ATP13A1: variants seen among roughly 807,000 people sequenced by gnomAD.
The protein encoded by ATP13A1 is endoplasmic reticulum transmembrane helix translocase.
ATP13A1 carries 55 observed loss-of-function variants against 134.8 expected under a neutral mutation model. The ratio of observed to expected loss-of-function variants is 0.41; its 90% CI spans 0.33 to 0.51. The LOEUF (loss-of-function observed/expected upper bound fraction) is 0.51, where lower values mean the gene tolerates loss of function less well. Among genes scored for constraint, ATP13A1 ranks in the 20% least tolerant of loss-of-function variants. ATP13A1 has a pLI of 0.29. For missense variants in ATP13A1, 1,389 were observed against 1,652.8 expected (o/e 0.84, Z 2.77); for synonymous variants, 775 against 725.1 (o/e 1.07, Z -1.10).
chr19:19,656,949 G>C lies in ATP13A1; in HGVS notation c.907-33C>G. ...GGGCATGGGTGTCAGCACAGAAGCC[G>C]CACCTGTGCTGCACCCCCAACCTGG... On this transcript the variant is annotated intron_variant, in intron 5 of 25. Coordinates refer to ENST00000357324, the MANE Select transcript of ATP13A1 (RefSeq NM_020410.3). The surrounding 1 kb of genome is among the most constrained non-coding windows in gnomAD (Gnocchi z 4.6). The C allele has an allele frequency of 6.2e-7, 1 of 1,604,632 alleles. No homozygotes were observed. The highest frequency in any genetic ancestry group is 8.5e-7 in the Non-Finnish European group (1 of 1,176,050).
Position 19,655,579 on chromosome 19 carries a change from G to C in ATP13A1, c.1345C>G (p.Leu449Val). 2 of 1,613,994 alleles carry C rather than the reference G, an allele frequency of 1.2e-6. No individual in the cohort carries two copies. Among genetic ancestry groups the C allele is most frequent in the Non-Finnish European group, 1.7e-6 (2 of 1,179,880 alleles). ...GCGATGGCAAACACCAGGAGGAAGAGGATGAAGATGAAGGTCTCCAGGTTG... is the reference window on the plus strand; with the variant it reads ...GCGATGGCAAACACCAGGAGGAAGACGATGAAGATGAAGGTCTCCAGGTTG... ...ANNLETFIFILFLLVFAIAAA... is the reference protein window; with the variant it reads ...ANNLETFIFIVFLLVFAIAAA... The change falls in exon 10 of 26, where the codon CTC becomes GTC. Residue 449 changes from leucine (L) to valine (V), a missense_variant. Leu to Val is a conservative substitution (Grantham distance 32, BLOSUM62 1). Around this residue, in one of 4 missense-constraint regions of ATP13A1, gnomAD observed 747 missense variants for 956.1 expected, o/e 0.78. Transcript: ENST00000357324. This position sits in a 1 kb window ranked among gnomAD's most constrained non-coding sequence, Gnocchi z 5.7.
Position 19,656,508 on chromosome 19 carries a change from C to G in ATP13A1, c.1083+152G>C, listed in dbSNP as rs1212780543. ...GCTCTCTCACCTCCTTCCTCGCCCC[C>G]ACCACCCGGCTCCCCAGTCCACAGA... On this transcript the variant is annotated intron_variant, in intron 7 of 25. Transcript: ENST00000357324. This position sits in a 1 kb window ranked among gnomAD's most constrained non-coding sequence, Gnocchi z 4.6. Among the ~76,000 whole-genome samples, 1 of 152,172 alleles carries G rather than the reference C, an allele frequency of 6.6e-6. No individual in the cohort carries two copies. Among genetic ancestry groups the G allele is most frequent in the East Asian group, 1.9e-4 (1 of 5,192 alleles).
intron 12 of ATP13A1, 100 bp from the exon 13 acceptor site, chr19:19,654,800 T>C (rs1230318340): frequency 1.7e-5 from 24 of 1,405,872 alleles, no homozygotes; most frequent in Non-Finnish European, 2.2e-5. Flanking sequence ...ATTCCGTGCT[T>C]GTCACTGGGG....
Position 19,647,918 on chromosome 19 carries a change from A to G in ATP13A1, c.2633-159T>C, listed in dbSNP as rs1238254466. Among the ~76,000 whole-genome samples, 1 of 152,208 alleles carries G rather than the reference A, an allele frequency of 6.6e-6. No homozygotes were observed. On this transcript the variant is annotated intron_variant, in intron 19 of 25. Transcript: ENST00000357324. The surrounding 1 kb of genome is among the most constrained non-coding windows in gnomAD (Gnocchi z 4.8). ...CTGACACCCTAAGGAGACCTCAGAG[A>G]GTGCCCGTGTTGCTTTCTACAAACT...
In ATP13A1 at chr19:19,657,090, T is replaced by C. The variant is rs80083882; in HGVS notation, c.810A>G (p.Leu270=). ...AGGCCTCGAACGCCACCAGCATGGA[T>C]AGCGTAAAGACGCTGTAGTACCAGT... The part of the protein sequence containing the change: ...DEYWYYSVFT[L]SMLVAFEASL... Residue 270 remains leucine, a synonymous_variant, in exon 5 of 26, where the codon CTA becomes CTG. Transcript: ENST00000357324. The C allele has an allele frequency of 2.2e-3, 3,442 of 1,542,404 alleles. 128 individuals are homozygous for C. In the East Asian group the frequency reaches 0.069, roughly 31 times the overall value.
chr19:19,647,040 T>C lies in ATP13A1; in HGVS notation c.3105+89A>G. The C allele has an allele frequency of 1.4e-6, 2 of 1,398,766 alleles. No homozygotes were observed. Among genetic ancestry groups the C allele is most frequent in the Non-Finnish European group, 1.9e-6 (2 of 1,033,198 alleles). 86.6% of individuals were successfully genotyped at this position (1,398,766 alleles called of 1,614,324 possible). A position where few individuals can be genotyped will look rare whatever the true frequency, so the allele number is the denominator to read the frequency against. On this transcript the variant is annotated intron_variant, in intron 22 of 25. Coordinates refer to ENST00000357324, the MANE Select transcript of ATP13A1 (RefSeq NM_020410.3). This position sits in a 1 kb window ranked among gnomAD's most constrained non-coding sequence, Gnocchi z 4.8. ...CCCATCTCTGGGGCCCTGGGTCCTG[T>C]AACTTGGGGATGACAATTCCCGTGC...
chr19:19,655,282 C>G lies in ATP13A1; in HGVS notation c.1534+34G>C. On this transcript the variant is annotated intron_variant, in intron 11 of 25. Coordinates refer to ENST00000357324, the MANE Select transcript of ATP13A1 (RefSeq NM_020410.3). This position sits in a 1 kb window ranked among gnomAD's most constrained non-coding sequence, Gnocchi z 5.7. ...GTCAGGGGTCCTGCTTGGCCCCAGC[C>G]CACTCGGCACCCCATCCCATTTGAC... 6.2e-7 allele frequency: 1 copy of G among 1,613,946 alleles called. No homozygotes were observed. The highest frequency in any genetic ancestry group is 8.5e-7 in the Non-Finnish European group (1 of 1,179,890).
Position 19,645,780 on chromosome 19 carries a change from A to T in ATP13A1, c.3371T>A (p.Phe1124Tyr), listed in dbSNP as rs1363066017. 6.8e-7 allele frequency: 1 copy of T among 1,462,974 alleles called. No individual in the cohort carries two copies. Among genetic ancestry groups the T allele is most frequent in the African/African-American group, 1.5e-5 (1 of 68,542 alleles). The allele number at this position is 1,462,974 out of a possible 1,614,324, so 90.6% of individuals were successfully genotyped here. The change falls in exon 25 of 26, where the codon TTC (phenylalanine) becomes TAC (tyrosine). Residue 1124 changes from phenylalanine to tyrosine, a missense_variant. By Grantham distance (22) the Phe-to-Tyr change is conservative. Around this residue, in one of 4 missense-constraint regions of ATP13A1, gnomAD observed 228 missense variants for 321.0 expected, o/e 0.71. Transcript: ENST00000357324. This position sits in a 1 kb window ranked among gnomAD's most constrained non-coding sequence, Gnocchi z 4.1. ...CTTGTTCTCGGGCAGGCTCTCCATG[A>T]AGGGCGGGCCCTGTGGGGATGAGGG... Reference protein sequence around the residue: ...TFAINYKGPPFMESLPENKPL... With the variant: ...TFAINYKGPPYMESLPENKPL...
At chr19:19,657,295 A>C in intron 4 of ATP13A1, 41 bp downstream of exon 4, 1 of 1,546,692 alleles carries the variant, frequency 6.5e-7, no homozygotes, top group Non-Finnish European at 8.7e-7. Flanking sequence ...GGAAAGCCCC[A>C]AGGGAGGAAA....
chr19:19,663,273 G>A lies in ATP13A1; in HGVS notation c.394C>T (p.Pro132Ser). Residue 132 changes from proline to serine, a missense_variant and splice_region_variant, in exon 1 of 26, where the codon CCG (proline) becomes TCG (serine). Physicochemically the swap from Pro to Ser is moderately conservative, Grantham distance 74 (BLOSUM62 -1). Coordinates refer to ENST00000357324, the MANE Select transcript of ATP13A1 (RefSeq NM_020410.3). The part of the protein sequence containing the change: ...VHAHCALTCT[P>S]EYDPSKATFV... The stretch of plus-strand genomic sequence containing the variant: ...CGGGCTCGCGTGTACACACTTACCG[G>A]GGTGCAGGTGAGCGCGCAATGCGCG... 6.3e-7 allele frequency: 1 copy of A among 1,578,790 alleles called. No homozygotes were observed. Among genetic ancestry groups the A allele is most frequent in the Non-Finnish European group, 8.6e-7 (1 of 1,163,976 alleles).
intron 1 of ATP13A1, among the ~76,000 whole-genome samples, chr19:19,662,630 G>A (rs1322012046): frequency 6.6e-6 from 1 of 152,200 alleles, no homozygotes; most frequent in African/African-American, 2.4e-5. Context: ...GACCTTGCTT[G>A]CTGTTGTATC....
intron 15 of ATP13A1, 157 bp from the exon 16 acceptor site, chr19:19,652,877 G>A (rs1408058632): frequency 2.7e-6 from 3 of 1,093,276 alleles, no homozygotes; most frequent in Non-Finnish European, 3.8e-6. Context: ...GAAATGCCAG[G>A]AGGGTACCAG....
intron 22 of ATP13A1, chr19:19,646,810 C>G (rs1354758417): frequency 4.6e-6 from 2 of 430,962 alleles, no homozygotes; most frequent in Middle Eastern, 6.4e-4. Context: ...TGTCCACCAG[C>G]CTGTCCTGTG....
chr19:19,654,591 G>A lies in ATP13A1; in HGVS notation c.1765C>T (p.Pro589Ser), dbSNP rs773974505. Reference sequence around the variant, plus strand: ...GCCGTCAGCATGGCCTTCTCTAGAGGGTCACCCACGAGGGTGCCGTCGTCC... The same window carrying A: ...GCCGTCAGCATGGCCTTCTCTAGAGAGTCACCCACGAGGGTGCCGTCGTCC... Reference protein sequence around the residue: ...QLDDGTLVGDPLEKAMLTAVD... With the variant: ...QLDDGTLVGDSLEKAMLTAVD... The change falls in exon 13 of 26, where the codon CCT (proline) becomes TCT (serine). Residue 589 changes from proline to serine, a missense_variant. Transcript: ENST00000357324. 3 of 1,613,272 alleles carry A rather than the reference G, an allele frequency of 1.9e-6. No homozygotes were observed. Among genetic ancestry groups the A allele is most frequent in the Non-Finnish European group, 2.5e-6 (3 of 1,179,846 alleles).
rs191608294 is a variant in ATP13A1, at chr19:19,656,930, G to C, written c.907-14C>G. ...GCTTCGGTAGACCTGGGCGGGGCATGGGTGTCAGCACAGAAGCCGCACCTG... is the reference window on the plus strand; with the variant it reads ...GCTTCGGTAGACCTGGGCGGGGCATCGGTGTCAGCACAGAAGCCGCACCTG... On this transcript the variant is annotated splice_polypyrimidine_tract_variant and intron_variant, in intron 5 of 25. Transcript: ENST00000357324. This position sits in a 1 kb window ranked among gnomAD's most constrained non-coding sequence, Gnocchi z 4.6. The C allele has an allele frequency of 3.2e-3, 5,140 of 1,608,108 alleles. 226 individuals carry two copies. In the Admixed American group the frequency reaches 0.078, roughly 24 times the overall value.
rs557932417 is a variant in ATP13A1, at chr19:19,657,659, G to C, written c.678-251C>G. On this transcript the variant is annotated intron_variant, in intron 3 of 25. Coordinates refer to ENST00000357324, the MANE Select transcript of ATP13A1 (RefSeq NM_020410.3). Reference sequence around the variant, plus strand: ...CTCGGCTCTGCATAAAACAGATGAAGCTCCTTAATCTGCAATATGCTCTTC... The same window carrying C: ...CTCGGCTCTGCATAAAACAGATGAACCTCCTTAATCTGCAATATGCTCTTC... 2.6e-5 allele frequency among the ~76,000 whole-genome samples: 4 copies of C among 152,308 alleles called. No individual in the cohort carries two copies. The East Asian group carries it at 7.7e-4, about 29-fold the overall frequency.
At chr19:19,663,184 G>A (rs1308454820) in intron 1 of ATP13A1, 87 bp downstream of exon 1, 6 of 1,532,356 alleles carry the variant, frequency 3.9e-6, no homozygotes, top group Non-Finnish European at 5.3e-6. Context: ...GGCCCAGGTC[G>A]CGATGGTGAC....
chr19:19,645,604 C>A lies in ATP13A1; in HGVS notation c.3504+43G>T. 3.8e-6 allele frequency: 6 copies of A among 1,560,324 alleles called. No individual in the cohort carries two copies. The highest frequency in any genetic ancestry group is 5.2e-6 in the Non-Finnish European group (6 of 1,152,254). The stretch of plus-strand genomic sequence containing the variant: ...TCAGGGTCACTGCCATAGGAGGGAC[C>A]CATCAAGCTGAGCCCCAGGGTCACC... On this transcript the variant is annotated intron_variant, in intron 25 of 25. Transcript: ENST00000357324. This position sits in a 1 kb window ranked among gnomAD's most constrained non-coding sequence, Gnocchi z 4.1.
rs1212456040 is a variant in ATP13A1 at position 19,663,468 on chromosome 19, C to T, written c.199G>A (p.Val67Met). The T allele has an allele frequency of 1.9e-6, 3 of 1,540,120 alleles. No homozygotes were observed. The highest frequency in any genetic ancestry group is 2.6e-6 in the Non-Finnish European group (3 of 1,147,006). ...TAAAGCAGCCCGGCGAATGGCAGCA[C>T]CGTGAGGCGCCGCAACAGCGCCAAC... ...RRLALLRRLT[V>M]LPFAGLLYPA... Residue 67 changes from valine to methionine, a missense_variant, in exon 1 of 26, where the codon GTG (valine) becomes ATG (methionine). Around this residue, in one of 4 missense-constraint regions of ATP13A1, gnomAD observed 293 missense variants for 270.8 expected, o/e 1.08. Coordinates refer to ENST00000357324, the MANE Select transcript of ATP13A1 (RefSeq NM_020410.3).
Sources: allele counts gnomAD v4.1 joint callset (sites outside exome capture counted in the v4.1 genomes callset), GRCh38; gene constraint gnomAD v4.1.1; regional missense constraint gnomAD v4.1.1; non-coding constraint Gnocchi (gnomAD v3.1); transcripts MANE v1.5; gene names NCBI Gene and HGNC (gene_info 2026-07-23, HGNC 2026-07-21).